The following PTPRD variants were observed in gnomAD, a reference collection of about 807,000 sequenced individuals.
The protein encoded by PTPRD is protein tyrosine phosphatase receptor type D, also known as receptor-type tyrosine-protein phosphatase delta.
In PTPRD, 34 loss-of-function variants were observed where a neutral mutation model predicts 214.5. That is an observed-to-expected ratio of 0.16 (90% CI 0.12 to 0.21). The LOEUF (loss-of-function observed/expected upper bound fraction) is 0.21. PTPRD is among the 10% of genes least tolerant of loss of function. The probability of loss-of-function intolerance (pLI) is 1.00; values close to 1 mark genes in which losing one functional copy is unlikely to be tolerated. For missense variants in PTPRD, 2,545 were observed against 2,398.7 expected (o/e 1.06, Z -1.27); for synonymous variants, 1,128 against 845.7 (o/e 1.33, Z -5.79).
intron 5 of PTPRD, among the ~76,000 whole-genome samples, chr9:9,901,434 T>C (rs1013813028): frequency 2.5e-5 from 2 of 79,732 alleles, no homozygotes; most frequent in Non-Finnish European, 4.5e-5. Flanking sequence ...AAGATAATCC[T>C]CTTTCATTAT....
At chr9:10,441,059 C>T (rs554275169) in intron 2 of PTPRD, among the ~76,000 whole-genome samples, 3 of 151,724 alleles carry the variant, frequency 2.0e-5, no homozygotes, top group South Asian at 4.1e-4. Context: ...AAAGCTATAA[C>T]CTTATTTAGG....
chr9:9,304,286 G>C (rs367831353), intron 9 of PTPRD, among the ~76,000 whole-genome samples: 4 of 152,064 alleles, frequency 2.6e-5, no homozygotes, highest in Non-Finnish European at 5.9e-5. Context: ...GGAGTCATAG[G>C]TGAAAAATAA....
intron 8 of PTPRD, among the ~76,000 whole-genome samples, chr9:9,506,504 A>T (rs530949665): frequency 6.6e-6 from 1 of 151,394 alleles, no homozygotes; most frequent in Non-Finnish European, 1.5e-5. Flanking sequence ...TGCTTCTTAT[A>T]TGGGTTTCTT....
chr9:10,548,824 G>C (rs2060702771), intron 2 of PTPRD, among the ~76,000 whole-genome samples: 1 of 152,150 alleles, frequency 6.6e-6, no homozygotes, highest in Admixed American at 6.6e-5. Flanking sequence ...TAATTATAAA[G>C]TCTCCATGGG....
In PTPRD at chr9:8,756,038, T is replaced by C. The variant is rs542409839; in HGVS notation, c.-103-22092A>G. 7.9e-5 allele frequency among the ~76,000 whole-genome samples: 12 copies of C among 152,352 alleles called. No homozygotes were observed. In the East Asian group the frequency reaches 2.1e-3, roughly 27 times the overall value. ...AATATGATCTCAGACTTTTAGTTCA[T>C]ACTGGTAGAGGAAAAGATAATGAAA... On this transcript the variant is annotated intron_variant, in intron 11 of 45. Coordinates refer to ENST00000381196, the MANE Select transcript of PTPRD (RefSeq NM_002839.4).
At chr9:9,618,129 A>T in intron 7 of PTPRD, among the ~76,000 whole-genome samples, 1 of 145,290 alleles carries the variant, frequency 6.9e-6, no homozygotes, top group East Asian at 2.2e-4. Flanking sequence ...GTTGGAGAAT[A>T]GATTGGAAAA....
At chr9:9,772,427 T>G (rs2098759296) in intron 5 of PTPRD, among the ~76,000 whole-genome samples, 1 of 152,172 alleles carries the variant, frequency 6.6e-6, no homozygotes, top group Non-Finnish European at 1.5e-5. Flanking sequence ...TTTACACAAA[T>G]ATGCGACGGG....
intron 8 of PTPRD, among the ~76,000 whole-genome samples, chr9:9,482,551 AAAG>A (rs1453891071): frequency 6.6e-6 from 1 of 152,182 alleles, no homozygotes; most frequent in Non-Finnish European, 1.5e-5. Context: ...GAGAAAAGCC[AAAG>A]AAGCATCACA....
At chr9:8,795,196 A>G (rs960930861) in intron 11 of PTPRD, among the ~76,000 whole-genome samples, 3 of 151,910 alleles carry the variant, frequency 2.0e-5, no homozygotes, top group South Asian at 2.1e-4. Context: ...GATGAGTCTC[A>G]CTCTGTCACC....
rs546728916 is a variant in PTPRD, at chr9:9,061,773, G to A, written c.-142-43038C>T. Among the ~76,000 whole-genome samples, 24 of 152,260 alleles carry A rather than the reference G, an allele frequency of 1.6e-4. No homozygotes were observed. The South Asian group carries it at 2.9e-3, about 18-fold the overall frequency. Reference sequence around the variant, plus strand: ...AGGGCCTTGGGACCCAGTGGCACTAGCAGGTTTGCCTCTGTGTACATTTCT... The same window carrying A: ...AGGGCCTTGGGACCCAGTGGCACTAACAGGTTTGCCTCTGTGTACATTTCT... On this transcript the variant is annotated intron_variant, in intron 10 of 45. Coordinates refer to ENST00000381196, the MANE Select transcript of PTPRD (RefSeq NM_002839.4).
intron 8 of PTPRD, among the ~76,000 whole-genome samples, chr9:9,409,778 G>A (rs2074763487): frequency 6.6e-6 from 1 of 152,054 alleles, no homozygotes; most frequent in Non-Finnish European, 1.5e-5. Context: ...CAAATTTGCT[G>A]TATGTCAGTA....
intron 9 of PTPRD, among the ~76,000 whole-genome samples, chr9:9,328,199 T>C (rs1021100483): frequency 1.3e-5 from 2 of 152,168 alleles, no homozygotes; most frequent in Non-Finnish European, 1.5e-5. Context: ...TTATATTTAA[T>C]ATTCTATTTA....
At chr9:8,976,761 A>T (rs1275276764) in intron 11 of PTPRD, among the ~76,000 whole-genome samples, 2 of 152,072 alleles carry the variant, frequency 1.3e-5, no homozygotes, top group Non-Finnish European at 2.9e-5. Flanking sequence ...TTTTCCTCTC[A>T]GAGTAACGTA....
At chr9:9,121,987 CTATT>C (rs2099818062) in intron 10 of PTPRD, among the ~76,000 whole-genome samples, 2 of 152,132 alleles carry the variant, frequency 1.3e-5, no homozygotes, top group African/African-American at 2.4e-5. Context: ...TTTGCTATCA[CTATT>C]TATTTAATGT....
intron 5 of PTPRD, among the ~76,000 whole-genome samples, chr9:9,853,055 G>A (rs1027258128): frequency 6.6e-6 from 1 of 152,092 alleles, no homozygotes; most frequent in African/African-American, 2.4e-5. Context: ...TCTCCATAGA[G>A]GTACCATACA....
intron 8 of PTPRD, among the ~76,000 whole-genome samples, chr9:9,551,127 T>G (rs1296066369): frequency 6.6e-6 from 1 of 151,924 alleles, no homozygotes; most frequent in Non-Finnish European, 1.5e-5. Flanking sequence ...TAAGAACTTA[T>G]GTTCACCCTA....
At chr9:8,894,994 T>C (rs953572009) in intron 11 of PTPRD, among the ~76,000 whole-genome samples, 21 of 152,366 alleles carry the variant, frequency 1.4e-4, no homozygotes, top group African/African-American at 4.3e-4. Flanking sequence ...CTCACTGCAA[T>C]GCAGTGCTGT....
chr9:8,500,813 T>C lies in PTPRD; in HGVS notation c.2069A>G (p.His690Arg), dbSNP rs759552919. 6.2e-7 allele frequency: 1 copy of C among 1,614,046 alleles called. No individual in the cohort carries two copies. Among genetic ancestry groups the C allele is most frequent in the Admixed American group, 1.7e-5 (1 of 60,002 alleles). The part of the protein sequence containing the change: ...WTEYRITVTA[H>R]TDVGPGPESL... ...CTCAGGGCCAGGGCCGACATCTGTATGGGCTGTCACAGTGATCCGGTATTC... is the reference window on the plus strand; with the variant it reads ...CTCAGGGCCAGGGCCGACATCTGTACGGGCTGTCACAGTGATCCGGTATTC... The change falls in exon 24 of 46, where the codon CAT becomes CGT. Residue 690 changes from histidine to arginine, a missense_variant. Physicochemically the swap from His to Arg is conservative, Grantham distance 29. Transcript: ENST00000381196.
intron 27 of PTPRD, among the ~76,000 whole-genome samples, chr9:8,487,604 A>C (rs561432787): frequency 6.6e-6 from 1 of 152,158 alleles, no homozygotes; most frequent in African/African-American, 2.4e-5. Context: ...TGAGGTTGGG[A>C]GTTTGAGACC....
Sources: allele counts gnomAD v4.1 joint callset (sites outside exome capture counted in the v4.1 genomes callset), GRCh38; gene constraint gnomAD v4.1.1; transcripts MANE v1.5; gene names NCBI Gene and HGNC (gene_info 2026-07-23, HGNC 2026-07-21).